The following FAM83G variants were observed in gnomAD, a reference collection of about 807,000 sequenced individuals.
FAM83G encodes scaffolding CK1 anchoring protein G, also known as protein FAM83G.
Under a neutral mutation model 61.5 loss-of-function variants are expected in FAM83G, and 38 were observed. That is an observed-to-expected ratio of 0.62 (90% CI 0.48 to 0.81). The LOEUF (loss-of-function observed/expected upper bound fraction) is 0.81. Among genes scored for constraint, FAM83G ranks in the 30% least tolerant of loss-of-function variants. The pLI is 0.00. For missense variants in FAM83G, 989 were observed against 1,133.6 expected (o/e 0.87, Z 1.83); for synonymous variants, 470 against 476.1 (o/e 0.99, Z 0.17).
At chr17:18,991,707 G>A (rs557148228) in intron 2 of FAM83G, among the ~76,000 whole-genome samples, 7 of 152,300 alleles carry the variant, frequency 4.6e-5, no homozygotes, top group African/African-American at 7.2e-5. Context: ...CCCAGGTACC[G>A]TTGTCAAAGC....
chr17:18,979,572 G>C lies in FAM83G; in HGVS notation c.792C>G (p.Asp264Glu), dbSNP rs763898003. 1 of 1,613,418 alleles carries C rather than the reference G, an allele frequency of 6.2e-7. No homozygotes were observed. Among genetic ancestry groups the C allele is most frequent in the Admixed American group, 1.7e-5 (1 of 60,018 alleles). The change falls in exon 4 of 6, where the codon GAC (aspartate) becomes GAG (glutamate). Residue 264 changes from aspartate (D) to glutamate (E), a missense_variant. Physicochemically the swap from Asp to Glu is conservative, Grantham distance 45. This residue lies in a region of FAM83G where 371 missense variants were observed against 404.5 expected (regional missense o/e 0.92). Transcript: ENST00000388995. Reference sequence around the variant, plus strand: ...ACCTGTAGGAGCCGCACACAGCCCGGTCTCCATCCACAAACATGAACTTCT... The same window carrying C: ...ACCTGTAGGAGCCGCACACAGCCCGCTCTCCATCCACAAACATGAACTTCT... ...LAQKFMFVDGDRAVCGSYSFT... is the reference protein window; with the variant it reads ...LAQKFMFVDGERAVCGSYSFT...
chr17:18,990,637 G>A (rs1400955635), intron 2 of FAM83G, among the ~76,000 whole-genome samples: 1 of 152,188 alleles, frequency 6.6e-6, no homozygotes, highest in Non-Finnish European at 1.5e-5. Context: ...CCTGATCCAG[G>A]GACCATCTGC....
intron 3 of FAM83G, among the ~76,000 whole-genome samples, chr17:18,982,990 C>T (rs1417442577): frequency 6.6e-6 from 1 of 152,250 alleles, no homozygotes; most frequent in East Asian, 1.9e-4. Context: ...AGGTGTCCAG[C>T]TCCCAGTGGG....
chr17:18,981,341 C>G (rs748154067), intron 3 of FAM83G, among the ~76,000 whole-genome samples: 1 of 152,116 alleles, frequency 6.6e-6, no homozygotes, highest in Non-Finnish European at 1.5e-5. Flanking sequence ...GGTGATGGAG[C>G]CTGCAGAGCG....
At chr17:18,992,412 T>C (rs2043450555) in intron 2 of FAM83G, among the ~76,000 whole-genome samples, 1 of 152,210 alleles carries the variant, frequency 6.6e-6, no homozygotes, top group African/African-American at 2.4e-5. Flanking sequence ...CCGGAGCAGC[T>C]TGAGCTGGGA....
intron 2 of FAM83G, among the ~76,000 whole-genome samples, chr17:18,998,326 C>A (rs2043619748): frequency 6.6e-6 from 1 of 152,250 alleles, no homozygotes; most frequent in South Asian, 2.1e-4. Flanking sequence ...GAAACTGAGG[C>A]CGAGGGTCCT....
chr17:18,985,200 GACCGAAGGCCC>G (rs1207860419), intron 3 of FAM83G, among the ~76,000 whole-genome samples: 1 of 152,186 alleles, frequency 6.6e-6, no homozygotes. Flanking sequence ...GGGAGCTCGT[GACCGAAGGCCC>G]ACCGCACAAA....
chr17:18,984,591 T>G (rs991251500), intron 3 of FAM83G, among the ~76,000 whole-genome samples: 7 of 152,246 alleles, frequency 4.6e-5, no homozygotes, highest in Non-Finnish European at 7.3e-5. Context: ...GTCTGGCCTT[T>G]GCCCAGGGGC....
rs765866737 is a variant in FAM83G, at chr17:18,978,844, C to T, written c.822G>A (p.Thr274=). The change falls in exon 5 of 6, where the codon ACG becomes ACA. Residue 274 remains threonine (T), a synonymous_variant. Coordinates refer to ENST00000388995, the MANE Select transcript of FAM83G (RefSeq NM_001039999.3). Reference sequence around the variant, plus strand: ...TCCGGTCCGTCCGCGCGGCCGACCACGTGAAGCTGCAACAGAGGGAGGGGG... The same window carrying T: ...TCCGGTCCGTCCGCGCGGCCGACCATGTGAAGCTGCAACAGAGGGAGGGGG... ...DRAVCGSYSF[T]WSAARTDRNV... is the part of the protein sequence containing the mutation. 1.6e-5 allele frequency: 25 copies of T among 1,611,342 alleles called. No homozygotes were observed. In the Admixed American group the frequency reaches 2.5e-4, roughly 16 times the overall value.
intron 3 of FAM83G, among the ~76,000 whole-genome samples, chr17:18,984,019 C>T (rs2043201559): frequency 2.6e-5 from 4 of 152,198 alleles, no homozygotes; most frequent in Non-Finnish European, 5.9e-5. Flanking sequence ...GCCAAATGTC[C>T]CTCAGCAGAG....
intron 3 of FAM83G, among the ~76,000 whole-genome samples, chr17:18,987,103 G>A (rs919949341): frequency 6.6e-6 from 1 of 152,200 alleles, no homozygotes; most frequent in Non-Finnish European, 1.5e-5. Flanking sequence ...GACAAATGCT[G>A]ACAAATTACA....
At chr17:18,994,346 G>A (rs867406549) in intron 2 of FAM83G, among the ~76,000 whole-genome samples, 14 of 152,302 alleles carry the variant, frequency 9.2e-5, no homozygotes, top group East Asian at 3.9e-4. Flanking sequence ...GGGCGCCCCC[G>A]TGGAGTCTTG....
Position 18,978,708 on chromosome 17 carries a change from C to T in FAM83G, c.958G>A (p.Glu320Lys), listed in dbSNP as rs748051047. The T allele has an allele frequency of 6.2e-7, 1 of 1,612,982 alleles. No homozygotes were observed. Among genetic ancestry groups the T allele is most frequent in the Non-Finnish European group, 8.5e-7 (1 of 1,180,008 alleles). ...VSLKGIPMEKEPEPEPIVLPS... is the reference protein window; with the variant it reads ...VSLKGIPMEKKPEPEPIVLPS... ...AGCACAATAGGCTCCGGCTCCGGTTCCTTCTCCATAGGGATGCCCTTGAGG... is the reference window on the plus strand; with the variant it reads ...AGCACAATAGGCTCCGGCTCCGGTTTCTTCTCCATAGGGATGCCCTTGAGG... Residue 320 changes from glutamate (E) to lysine (K), a missense_variant, in exon 5 of 6, where the codon GAA (glutamate) becomes AAA (lysine). Physicochemically the swap from Glu to Lys is moderately conservative, Grantham distance 56. Coordinates refer to ENST00000388995, the MANE Select transcript of FAM83G (RefSeq NM_001039999.3).
rs185407965 is a variant in FAM83G at position 18,974,752 on chromosome 17, T to G, written c.2082+2832A>C. ...GGCTACACTAGCAGCCTCACTTAAGTCGTTGCAACAACTCTCCTCATTTTG... is the reference window on the plus strand; with the variant it reads ...GGCTACACTAGCAGCCTCACTTAAGGCGTTGCAACAACTCTCCTCATTTTG... On this transcript the variant is annotated intron_variant, in intron 5 of 5. Coordinates refer to ENST00000388995, the MANE Select transcript of FAM83G (RefSeq NM_001039999.3). Among the ~76,000 whole-genome samples the G allele has an allele frequency of 1.6e-4, 25 of 152,326 alleles. No individual in the cohort carries two copies. The East Asian group carries it at 3.5e-3, about 21-fold the overall frequency.
intron 5 of FAM83G, chr17:18,976,897 C>T: frequency 1.9e-6 from 3 of 1,613,618 alleles, no homozygotes; most frequent in Non-Finnish European, 2.5e-6. Flanking sequence ...CTGAACCATG[C>T]CAAGGCGGGC....
chr17:18,969,577 C>A lies in FAM83G; in HGVS notation c.*1782G>T. On this transcript the variant is annotated 3_prime_UTR_variant, in exon 6 of 6. Coordinates refer to ENST00000388995, the MANE Select transcript of FAM83G (RefSeq NM_001039999.3). ...TCAGGAGGTTGAGCCACTAGGCAGT[C>A]AGCCCCCCTGCTGGCCCCTCAGGGA... 1.6e-6 allele frequency: 1 copy of A among 642,984 alleles called. No individual in the cohort carries two copies. 39.8% of individuals were successfully genotyped at this position (642,984 alleles called of 1,614,324 possible). A position where few individuals can be genotyped will look rare whatever the true frequency, so the allele number is the denominator to read the frequency against.
rs2042994406 is a variant in FAM83G, at chr17:18,976,923, T to A, written c.2082+661A>T. The A allele has an allele frequency of 6.2e-7, 1 of 1,613,454 alleles. No individual in the cohort carries two copies. Among genetic ancestry groups the A allele is most frequent in the South Asian group, 1.1e-5 (1 of 91,072 alleles). ...CAAGGCGGGCTCCATCCTGGCCAGC[T>A]ACCTCAAGATGCTCCCCATGGGCCT... On this transcript the variant is annotated intron_variant, in intron 5 of 5. Coordinates refer to ENST00000388995, the MANE Select transcript of FAM83G (RefSeq NM_001039999.3).
chr17:18,985,239 C>T (rs1003539792), intron 3 of FAM83G, among the ~76,000 whole-genome samples: 3 of 152,256 alleles, frequency 2.0e-5, no homozygotes, highest in African/African-American at 7.2e-5. Flanking sequence ...CTTCACTCTT[C>T]ACAGCACCCC....
chr17:18,984,093 C>T lies in FAM83G; in HGVS notation c.690+4154G>A, dbSNP rs375353186. Reference sequence around the variant, plus strand: ...CGCGGTGGCTCACGCCTGTAATCCCCGCACTTTGGGAGGCCGAGGCGGGCG... The same window carrying T: ...CGCGGTGGCTCACGCCTGTAATCCCTGCACTTTGGGAGGCCGAGGCGGGCG... On this transcript the variant is annotated intron_variant, in intron 3 of 5. Transcript: ENST00000388995. 2.7e-4 allele frequency among the ~76,000 whole-genome samples: 41 copies of T among 152,028 alleles called. 2 individuals are homozygous for T. The South Asian group carries it at 8.3e-3, about 31-fold the overall frequency.
Sources: gnomAD v4.1 joint callset for allele counts (sites outside exome capture counted in the v4.1 genomes callset) on GRCh38, gnomAD v4.1.1 for gene constraint, gnomAD v4.1.1 regional missense constraint, MANE v1.5 for transcripts, NCBI Gene and HGNC (gene_info 2026-07-23, HGNC 2026-07-21) for gene names.